The following SCOC variants were observed in gnomAD, a reference collection of about 807,000 sequenced individuals.
The protein encoded by SCOC is short coiled-coil protein.
Under a neutral mutation model 9.9 loss-of-function variants are expected in SCOC, and 7 were observed. The ratio of observed to expected loss-of-function variants is 0.71; its 90% CI spans 0.40 to 1.33. The LOEUF is 1.33. SCOC is among the 40% of genes most tolerant of loss of function. The probability of loss-of-function intolerance (pLI) is 0.01; values close to 1 mark genes in which losing one functional copy is unlikely to be tolerated. For synonymous variants in SCOC, 19 were observed against 28.2 expected (o/e 0.67, Z 1.03); for missense variants, 66 against 89.7 (o/e 0.74, Z 1.07).
chr4:140,316,286 CG>C (rs1336984061), intron 1 of SCOC, among the ~76,000 whole-genome samples: 1 of 152,114 alleles, frequency 6.6e-6, no homozygotes, highest in Admixed American at 6.5e-5. Flanking sequence ...TGGGTCAGAT[CG>C]GGGACAGTTT....
At chr4:140,324,646 A>C (rs995397636) in intron 1 of SCOC, among the ~76,000 whole-genome samples, 1 of 152,136 alleles carries the variant, frequency 6.6e-6, no homozygotes, top group Non-Finnish European at 1.5e-5. Context: ...TGCATGGTCT[A>C]TATGTTGAAA....
intron 1 of SCOC, among the ~76,000 whole-genome samples, chr4:140,324,510 T>G (rs1210455679): frequency 6.6e-6 from 1 of 152,106 alleles, no homozygotes; most frequent in South Asian, 2.1e-4. Flanking sequence ...AAAAGGTCAA[T>G]ATACAAAAAC....
At chr4:140,325,939 C>A (rs1197431263) in intron 1 of SCOC, among the ~76,000 whole-genome samples, 3 of 152,122 alleles carry the variant, frequency 2.0e-5, no homozygotes, top group African/African-American at 4.8e-5. Flanking sequence ...CAATGTCCTT[C>A]AGTAGGTAAT....
intron 1 of SCOC, chr4:140,283,815 G>C (rs1036247838): frequency 2.0e-5 from 3 of 152,168 alleles, no homozygotes; most frequent in African/African-American, 7.2e-5. Context: ...ATAAAAATTT[G>C]TAGCAGTTTT....
chr4:140,350,074 T>C (rs530842645), intron 2 of SCOC, among the ~76,000 whole-genome samples: 1 of 152,352 alleles, frequency 6.6e-6, no homozygotes, highest in Admixed American at 6.5e-5. Flanking sequence ...CATGCTGTGC[T>C]GCTTCTCACT....
intron 1 of SCOC, chr4:140,314,663 TTC>T (rs1480489478): frequency 6.6e-6 from 1 of 152,210 alleles, no homozygotes; most frequent in Non-Finnish European, 1.5e-5. Flanking sequence ...CCCAGGCAGA[TTC>T]TCTCTTTTGC....
intron 2 of SCOC, among the ~76,000 whole-genome samples, chr4:140,350,758 G>A (rs1726941642): frequency 6.6e-6 from 1 of 152,218 alleles, no homozygotes; most frequent in South Asian, 2.1e-4. Flanking sequence ...ATAAGAGTAA[G>A]TCTCAGAATT....
intron 1 of SCOC, among the ~76,000 whole-genome samples, chr4:140,290,767 C>T (rs1731447893): frequency 1.3e-5 from 2 of 152,152 alleles, no homozygotes; most frequent in South Asian, 4.1e-4. Flanking sequence ...GAGCTGAGGT[C>T]GTGCTGCTGC....
chr4:140,315,670 C>T (rs1311432335), intron 1 of SCOC, among the ~76,000 whole-genome samples: 6 of 152,158 alleles, frequency 3.9e-5, no homozygotes. Flanking sequence ...TCTAGTGGAA[C>T]CAGGGTATGT....
At chr4:140,372,364 T>C (rs911381875), upstream of SCOC, among the ~76,000 whole-genome samples, 6 of 152,234 alleles carry the variant, frequency 3.9e-5, no homozygotes, top group Admixed American at 1.3e-4. Context: ...GTCCTGCAAT[T>C]TCACCGTTGC....
At position 140,266,410 on chromosome 4, in the gene SCOC, T is replaced by C. The variant is rs920049179; in HGVS notation, c.-19+9000T>C. On this transcript the variant is annotated intron_variant, in intron 1 of 4. Transcript: ENST00000394205. ...ATGGTCAGGTTCTGGTGAAGGCCCT[T>C]TTCTGTGTTGGTAACTAAAAAGAGG... Among the ~76,000 whole-genome samples, 86 of 152,100 alleles carry C rather than the reference T, an allele frequency of 5.7e-4. 1 individual carries two copies. The highest frequency in any genetic ancestry group is 5.6e-3 in the Admixed American group (86 of 15,274).
At chr4:140,343,449 G>A (rs758820730) in exon 1 of SCOC, 52 of 501,636 alleles carry the variant, frequency 1.0e-4, no homozygotes, top group Non-Finnish European at 1.7e-4. Flanking sequence ...TACCACTTCC[G>A]GTTAAGAATG....
chr4:140,300,149 T>A (rs1042601017), intron 1 of SCOC, among the ~76,000 whole-genome samples: 8 of 152,224 alleles, frequency 5.3e-5, no homozygotes, highest in African/African-American at 1.9e-4. Context: ...GCACATGGCA[T>A]CATCCCCGCT....
rs1378760512 is a variant in SCOC at position 140,384,467 on chromosome 4, C to T, written c.*3363C>T. 6.6e-6 allele frequency: 1 copy of T among 152,112 alleles called. No homozygotes were observed. The highest frequency in any genetic ancestry group is 1.5e-5 in the Non-Finnish European group (1 of 68,036). The allele number at this position is 152,112 out of a possible 1,614,324, so 9.4% of individuals were successfully genotyped here. A position where few individuals can be genotyped will look rare whatever the true frequency, so the allele number is the denominator to read the frequency against. On this transcript the variant is annotated 3_prime_UTR_variant, in exon 4 of 4. Transcript: ENST00000608372. ...CTGCTAAATGAGTTTAGAGATAATC[C>T]CATCCTCAATAACTGATGATCGTCA... is the stretch of plus-strand genomic sequence containing the variant.
chr4:140,310,229 T>C (rs988115504), intron 1 of SCOC, among the ~76,000 whole-genome samples: 1 of 152,242 alleles, frequency 6.6e-6, no homozygotes, highest in Non-Finnish European at 1.5e-5. Flanking sequence ...TGCTCCATTG[T>C]TGAATTCCTA....
intron 1 of SCOC, among the ~76,000 whole-genome samples, chr4:140,281,192 G>A (rs376787579): frequency 9.2e-5 from 14 of 151,564 alleles, no homozygotes; most frequent in African/African-American, 2.7e-4. Context: ...AGGAAGAGGC[G>A]AGGTGGCACT....
intron 1 of SCOC, among the ~76,000 whole-genome samples, chr4:140,260,616 C>A (rs773727118): frequency 3.9e-5 from 6 of 152,146 alleles, no homozygotes; most frequent in Non-Finnish European, 7.4e-5. Context: ...TCACTCTAGA[C>A]CAATGTCCTG....
rs1473228433 is a variant in SCOC, at chr4:140,381,737, TA to T, written c.*638del. On this transcript the variant is annotated 3_prime_UTR_variant, in exon 4 of 4. Coordinates refer to ENST00000608372, the MANE Select transcript of SCOC (RefSeq NM_001153484.2). ...TAATTAATTGGAAATAGATGGAGGCTAAAAATGAAGGTTTTTCTTTGAAACT... is the reference window on the plus strand; with the variant it reads ...TAATTAATTGGAAATAGATGGAGGCTAAAATGAAGGTTTTTCTTTGAAACT... The T allele has an allele frequency of 6.6e-6, 1 of 152,222 alleles. No homozygotes were observed. Among genetic ancestry groups the T allele is most frequent in the African/African-American group, 2.4e-5 (1 of 41,470 alleles). 9.4% of individuals were successfully genotyped at this position (152,222 alleles called of 1,614,324 possible).
At chr4:140,343,404 C>G, upstream of SCOC, 1 of 408,626 alleles carries the variant, frequency 2.4e-6, no homozygotes, top group Non-Finnish European at 4.5e-6. Context: ...CAGCAGCCTC[C>G]GGTCAAGGGT....
Sources: gnomAD v4.1 joint callset for allele counts (sites outside exome capture counted in the v4.1 genomes callset) on GRCh38, gnomAD v4.1.1 for gene constraint, MANE v1.5 for transcripts, NCBI Gene and HGNC (gene_info 2026-07-23, HGNC 2026-07-21) for gene names.